The following AKAP17A variants were observed in gnomAD, a reference collection of about 807,000 sequenced individuals.
The protein encoded by AKAP17A is A-kinase anchoring protein 17A.
AKAP17A carries 15 observed loss-of-function variants against 52.2 expected under a neutral mutation model. That is an observed-to-expected ratio of 0.29 (90% CI 0.19 to 0.44). The LOEUF (loss-of-function observed/expected upper bound fraction) is 0.44. AKAP17A is among the 20% of genes least tolerant of loss of function. AKAP17A has a pLI of 1.00. For synonymous variants in AKAP17A, 514 were observed against 424.7 expected (o/e 1.21, Z -2.58); for missense variants, 1,060 against 1,007.0 (o/e 1.05, Z -0.71).
chrX:1,598,023 G>C (rs1481499122), intron 3 of AKAP17A, among the ~76,000 whole-genome samples: 1 of 152,190 alleles, frequency 6.6e-6, no homozygotes, highest in Non-Finnish European at 1.5e-5. Context: ...ATTTCTTTCT[G>C]GTGGGTGGAG....
At chrX:1,599,122 G>C (rs1321468374) in intron 3 of AKAP17A, 70 bp from the exon 4 acceptor site, 17 of 1,567,820 alleles carry the variant, frequency 1.1e-5, no homozygotes, top group Non-Finnish European at 1.5e-5. Context: ...TGTTTGGAAA[G>C]CCGCTTGTAT....
At position 1,601,769 on chromosome X, in the gene AKAP17A, C is replaced by G; in HGVS notation, c.*175C>G. 2 of 524,528 alleles carry G rather than the reference C, an allele frequency of 3.8e-6. No individual in the cohort carries two copies. Among genetic ancestry groups the G allele is most frequent in the Non-Finnish European group, 3.1e-6 (1 of 324,098 alleles). 32.5% of individuals were successfully genotyped at this position (524,528 alleles called of 1,614,324 possible). On this transcript the variant is annotated 3_prime_UTR_variant, in exon 5 of 5. Coordinates refer to ENST00000313871, the MANE Select transcript of AKAP17A (RefSeq NM_005088.3). ...AAGACACCATGCTTTAGAGATCCAT[C>G]TTTCTCCACTCACCGCAGCGTACTT...
At chrX:1,593,309 C>G (rs1932870934) in intron 1 of AKAP17A, 135 bp from the exon 2 acceptor site, 2 of 862,814 alleles carry the variant, frequency 2.3e-6, no homozygotes, top group Non-Finnish European at 3.7e-6. Context: ...AAAGTGGAAA[C>G]CGGTCTCTGA....
In AKAP17A at chrX:1,594,062, G is replaced by A. The variant is rs140507021; in HGVS notation, c.600G>A (p.Thr200=). The part of the protein sequence containing the change: ...PMLDPYREEM[T]GRNFHTFSFG... ...TGGACCCCTACCGGGAGGAGATGAC[G>A]GGCCGCAACTTCCACACCTTCAGTT... The change falls in exon 2 of 5, where the codon ACG becomes ACA. Residue 200 remains threonine, a synonymous_variant. Coordinates refer to ENST00000313871, the MANE Select transcript of AKAP17A (RefSeq NM_005088.3). 3.1e-4 allele frequency: 506 copies of A among 1,613,288 alleles called. 5 individuals carry two copies. In the East Asian group the frequency reaches 8.8e-3, roughly 28 times the overall value.
intron 4 of AKAP17A, chrX:1,600,282 G>C: frequency 9.5e-7 from 1 of 1,049,464 alleles, no homozygotes; most frequent in Non-Finnish European, 1.3e-6. Flanking sequence ...CGTCTGCGGC[G>C]TCATCTCAGC....
intron 3 of AKAP17A, among the ~76,000 whole-genome samples, chrX:1,598,378 C>A (rs6644622): frequency 6.6e-5 from 10 of 151,944 alleles, no homozygotes; most frequent in Admixed American, 2.0e-4. Context: ...GTCTCCTCTC[C>A]CCTTGGTGTC....
chrX:1,594,098 C>T lies in AKAP17A; in HGVS notation c.636C>T (p.His212=). 6.2e-7 allele frequency: 1 copy of T among 1,613,676 alleles called. No homozygotes were observed. The highest frequency in any genetic ancestry group is 2.2e-5 in the East Asian group (1 of 44,882). Reference sequence around the variant, plus strand: ...TCCACACCTTCAGTTTCGGGGGGCACTTGAACTTCGAGGCCTATGTGCAGT... The same window carrying T: ...TCCACACCTTCAGTTTCGGGGGGCATTTGAACTTCGAGGCCTATGTGCAGT... ...RNFHTFSFGG[H]LNFEAYVQYR... is the part of the protein sequence containing the mutation. Residue 212 remains histidine, a synonymous_variant, in exon 2 of 5, where the codon CAC becomes CAT. Transcript: ENST00000313871.
At chrX:1,594,316 GA>G in intron 2 of AKAP17A, 92 bp downstream of exon 2, 4 of 1,418,882 alleles carry the variant, frequency 2.8e-6, no homozygotes, top group Non-Finnish European at 3.7e-6. Context: ...CCACACCCCT[GA>G]GGCTGTGGGG....
At position 1,600,113 on chromosome X, in the gene AKAP17A, C is replaced by G. The variant is rs1226734365; in HGVS notation, c.1153-546C>G. 8.5e-6 allele frequency: 11 copies of G among 1,295,054 alleles called. No homozygotes were observed. In the African/African-American group the frequency reaches 1.5e-4, roughly 18 times the overall value. The allele number at this position is 1,295,054 out of a possible 1,614,324, so 80.2% of individuals were successfully genotyped here. A position where few individuals can be genotyped will look rare whatever the true frequency, so the allele number is the denominator to read the frequency against. On this transcript the variant is annotated intron_variant, in intron 4 of 4. Transcript: ENST00000313871. ...CCCCTGGAGTCCAACGCGGGGCGAC[C>G]CCATAACCTGTTGTCTGATTACAGT...
Position 1,601,671 on chromosome X carries a change from C to A in AKAP17A, c.*77C>A. 2 of 1,306,570 alleles carry A rather than the reference C, an allele frequency of 1.5e-6. No homozygotes were observed. Among genetic ancestry groups the A allele is most frequent in the Non-Finnish European group, 2.0e-6 (2 of 1,014,162 alleles). The allele number at this position is 1,306,570 out of a possible 1,614,324, so 80.9% of individuals were successfully genotyped here. The stretch of plus-strand genomic sequence containing the variant: ...GAGCCTCCTGGCCGCTCCTTGGCCG[C>A]TCTCCGTCCACCCCTGCAAAGCCAA... On this transcript the variant is annotated 3_prime_UTR_variant, in exon 5 of 5. Coordinates refer to ENST00000313871, the MANE Select transcript of AKAP17A (RefSeq NM_005088.3).
At chrX:1,600,363 G>A in intron 4 of AKAP17A, 2 of 647,042 alleles carry the variant, frequency 3.1e-6, no homozygotes, top group South Asian at 3.7e-5. Context: ...GCTCCCGGCA[G>A]GGCTCGGCTC....
At position 1,601,445 on chromosome X, in the gene AKAP17A, C is replaced by A; in HGVS notation, c.1939C>A (p.Arg647=). 2 of 1,572,684 alleles carry A rather than the reference C, an allele frequency of 1.3e-6. No individual in the cohort carries two copies. Reference sequence around the variant, plus strand: ...CACGAGCCCGGACCACACCCGGTCCCGGAGGTCCCACAGCAAAGACAGGCA... The same window carrying A: ...CACGAGCCCGGACCACACCCGGTCCAGGAGGTCCCACAGCAAAGACAGGCA... The part of the protein sequence containing the change: ...RSTSPDHTRS[R]RSHSKDRHRR... Residue 647 remains arginine (R), a synonymous_variant, in exon 5 of 5, where the codon CGG becomes AGG. Transcript: ENST00000313871.
At chrX:1,599,947 C>G (rs778681505) in intron 4 of AKAP17A, 2 of 485,882 alleles carry the variant, frequency 4.1e-6, no homozygotes, top group Non-Finnish European at 3.8e-6. Flanking sequence ...CTGACGACCC[C>G]CTCAGCACCA....
chrX:1,599,097 T>C, intron 3 of AKAP17A, 95 bp from the exon 4 acceptor site: 2 of 1,533,698 alleles, frequency 1.3e-6, no homozygotes, highest in Non-Finnish European at 1.8e-6. Flanking sequence ...CGTTGGACCG[T>C]GGCCTGTTCC....
In AKAP17A at chrX:1,592,588, C is replaced by T. The variant is rs1253979266; in HGVS notation, c.-20+819C>T. Among the ~76,000 whole-genome samples, 5 of 152,086 alleles carry T rather than the reference C, an allele frequency of 3.3e-5. No individual in the cohort carries two copies. The East Asian group carries it at 7.7e-4, about 24-fold the overall frequency. ...TCCACCCTCCCTCCCTTCTTTCGCA[C>T]CTCCCACCTCGGGCTTGGGCGAGGA... On this transcript the variant is annotated intron_variant, in intron 1 of 4. Transcript: ENST00000313871.
chrX:1,596,288 C>G (rs1223764114), intron 3 of AKAP17A, among the ~76,000 whole-genome samples: 2 of 151,538 alleles, frequency 1.3e-5, no homozygotes, highest in Non-Finnish European at 2.9e-5. Context: ...ACATAAGAGG[C>G]CTTTAAAGCA....
chrX:1,595,832 C>G (rs768852846), intron 3 of AKAP17A, among the ~76,000 whole-genome samples: 1 of 151,726 alleles, frequency 6.6e-6, no homozygotes, highest in African/African-American at 2.4e-5. Context: ...CGTGTGCCCA[C>G]ATGTGTGTGC....
chrX:1,600,934 C>T lies in AKAP17A; in HGVS notation c.1428C>T (p.Ser476=), dbSNP rs760360732. ...TGGACATCCTGCAGACCGTGTCGTC[C>T]GGCTGTGTGAGCGCCACCACGCTGC... ...PVLDILQTVS[S]GCVSATTLHP... The change falls in exon 5 of 5, where the codon TCC becomes TCT. Residue 476 remains serine, a synonymous_variant. Coordinates refer to ENST00000313871, the MANE Select transcript of AKAP17A (RefSeq NM_005088.3). 40 of 1,577,638 alleles carry T rather than the reference C, an allele frequency of 2.5e-5. No homozygotes were observed. The highest frequency in any genetic ancestry group is 9.2e-5 in the Admixed American group (5 of 54,374).
At position 1,601,637 on chromosome X, in the gene AKAP17A, G is replaced by C. The variant is rs1933392219; in HGVS notation, c.*43G>C. On this transcript the variant is annotated 3_prime_UTR_variant, in exon 5 of 5. Coordinates refer to ENST00000313871, the MANE Select transcript of AKAP17A (RefSeq NM_005088.3). ...CCACGGCCTGTCCGGGAAAGACCAG[G>C]ACCTGCTCGAGCCTCCTGGCCGCTC... 2.0e-5 allele frequency: 27 copies of C among 1,379,372 alleles called. No homozygotes were observed. Among genetic ancestry groups the C allele is most frequent in the Non-Finnish European group, 2.4e-5 (26 of 1,072,806 alleles). 85.4% of individuals were successfully genotyped at this position (1,379,372 alleles called of 1,614,324 possible). A position where few individuals can be genotyped will look rare whatever the true frequency, so the allele number is the denominator to read the frequency against.
Sources: allele counts gnomAD v4.1 joint callset (sites outside exome capture counted in the v4.1 genomes callset), GRCh38; gene constraint gnomAD v4.1.1; transcripts MANE v1.5; gene names NCBI Gene and HGNC (gene_info 2026-07-23, HGNC 2026-07-21).